The following TUSC3 variants were observed in gnomAD, a reference collection of about 807,000 sequenced individuals.
TUSC3 encodes the protein dolichyl-diphosphooligosaccharide--protein glycosyltransferase subunit TUSC3.
In TUSC3, 45 loss-of-function variants were observed where a neutral mutation model predicts 44.8. The ratio of observed to expected loss-of-function variants is 1.00; its 90% CI spans 0.79 to 1.29. TUSC3 has a LOEUF of 1.29. TUSC3 is among the 50% of genes most tolerant of loss of function. The probability of loss-of-function intolerance (pLI) is 0.00; values close to 1 mark genes in which losing one functional copy is unlikely to be tolerated. For missense variants in TUSC3, 519 were observed against 437.9 expected (o/e 1.19, Z -1.65); for synonymous variants, 212 against 152.9 (o/e 1.39, Z -2.85).
chr8:15,480,480 A>G (rs1256674883), intron 1 of TUSC3, among the ~76,000 whole-genome samples: 1 of 152,242 alleles, frequency 6.6e-6, no homozygotes, highest in Non-Finnish European at 1.5e-5. Flanking sequence ...GAAGTCCTAC[A>G]TCAAGTACAA....
intron 1 of TUSC3, among the ~76,000 whole-genome samples, chr8:15,615,875 T>A (rs889082903): frequency 1.3e-5 from 2 of 152,100 alleles, no homozygotes; most frequent in African/African-American, 4.8e-5. Context: ...GATATAAACA[T>A]GTAGTTAGAT....
chr8:15,828,154 C>G, the TUSC3 span, among the ~76,000 whole-genome samples: 1 of 152,206 alleles, frequency 6.6e-6, no homozygotes, highest in Admixed American at 6.5e-5. Context: ...ACCACCACAC[C>G]TGGCTAATTT....
At chr8:15,443,354 G>A (rs1253104020) in intron 1 of TUSC3, among the ~76,000 whole-genome samples, 1 of 150,842 alleles carries the variant, frequency 6.6e-6, no homozygotes, top group Middle Eastern at 3.4e-3. Flanking sequence ...GTGTGTGTGT[G>A]TGTGTGTGTG....
intron 1 of TUSC3, among the ~76,000 whole-genome samples, chr8:15,476,422 AT>A (rs1008722295): frequency 6.6e-6 from 1 of 152,124 alleles, no homozygotes; most frequent in Non-Finnish European, 1.5e-5. Flanking sequence ...AACTAATGTA[AT>A]TTTTTCTAAG....
At chr8:15,508,218 T>TG (rs1375242804) in intron 2 of TUSC3, among the ~76,000 whole-genome samples, 1 of 151,958 alleles carries the variant, frequency 6.6e-6, no homozygotes, top group Non-Finnish European at 1.5e-5. Context: ...CTGGCCTGGG[T>TG]GATAGGGTGG....
At chr8:15,814,629 T>C in the TUSC3 span, among the ~76,000 whole-genome samples, 5 of 152,202 alleles carry the variant, frequency 3.3e-5, no homozygotes, top group Admixed American at 1.3e-4. Flanking sequence ...CACACACAAA[T>C]ACCCGCATAA....
At chr8:15,720,133 A>T (rs1485316850) in intron 6 of TUSC3, among the ~76,000 whole-genome samples, 2 of 151,440 alleles carry the variant, frequency 1.3e-5, no homozygotes, top group Non-Finnish European at 2.9e-5. Flanking sequence ...GCCCAGGCTG[A>T]GTGCCAAAAA....
At chr8:15,590,413 A>G (rs1196264967) in intron 1 of TUSC3, among the ~76,000 whole-genome samples, 2 of 152,102 alleles carry the variant, frequency 1.3e-5, no homozygotes, top group East Asian at 3.9e-4. Flanking sequence ...ATGAGTGAAC[A>G]TTAGCTTTTG....
intron 1 of TUSC3, among the ~76,000 whole-genome samples, chr8:15,586,295 C>A (rs2129148721): frequency 6.6e-6 from 1 of 152,136 alleles, no homozygotes; most frequent in East Asian, 1.9e-4. Context: ...TTGTATAAGT[C>A]ATTAGTGGGG....
chr8:15,589,734 C>A (rs994641), intron 1 of TUSC3, among the ~76,000 whole-genome samples: 2 of 152,110 alleles, frequency 1.3e-5, no homozygotes, highest in East Asian at 3.9e-4. Context: ...TCATTTATAA[C>A]CATTATCATC....
At position 15,707,778 on chromosome 8, in the gene TUSC3, G is replaced by T. The variant is rs191584130; in HGVS notation, c.799-22888G>T. 3.2e-3 allele frequency among the ~76,000 whole-genome samples: 485 copies of T among 151,978 alleles called. 2 individuals are homozygous for T. Among genetic ancestry groups the T allele is most frequent in the African/African-American group, 0.011 (473 of 41,502 alleles). On this transcript the variant is annotated intron_variant, in intron 6 of 10. Transcript: ENST00000503731. The stretch of plus-strand genomic sequence containing the variant: ...CTGTCACAACAAAATGCCACAAACC[G>T]GGTAACTTTAAAACAACACAAATTT...
At position 15,468,281 on chromosome 8, in the gene TUSC3, G is replaced by A. The variant is rs574903024; in HGVS notation, n.92-15105G>A. On this transcript the variant is annotated intron_variant and non_coding_transcript_variant, in intron 1 of 5. Transcript: ENST00000503191. Reference sequence around the variant, plus strand: ...GCTTAATGTGAGAGGAAAAAATTGCGTTTTCTAAGAAATAGAAGCCCACTG... The same window carrying A: ...GCTTAATGTGAGAGGAAAAAATTGCATTTTCTAAGAAATAGAAGCCCACTG... Among the ~76,000 whole-genome samples the A allele has an allele frequency of 1.8e-4, 28 of 152,294 alleles. No individual in the cohort carries two copies. The South Asian group carries it at 2.1e-3, about 11-fold the overall frequency.
intron 1 of TUSC3, among the ~76,000 whole-genome samples, chr8:15,616,650 A>G (rs546285845): frequency 1.4e-4 from 22 of 152,324 alleles, no homozygotes; most frequent in Non-Finnish European, 3.1e-4. Context: ...TCAATTGGAA[A>G]TATTTTTCAT....
chr8:15,559,325 C>T (rs868696233), intron 1 of TUSC3, among the ~76,000 whole-genome samples: 1 of 145,362 alleles, frequency 6.9e-6, no homozygotes, highest in Admixed American at 6.9e-5. Context: ...GAGTGAGATT[C>T]TTAACCCTGA....
chr8:15,742,802 G>A (rs1002103319), intron 7 of TUSC3, among the ~76,000 whole-genome samples: 6 of 152,266 alleles, frequency 3.9e-5, no homozygotes, highest in South Asian at 4.1e-4. Context: ...CTTAAGAGTC[G>A]ACAATGTGAA....
At chr8:15,454,605 T>C (rs954115078) in intron 1 of TUSC3, among the ~76,000 whole-genome samples, 2 of 152,240 alleles carry the variant, frequency 1.3e-5, no homozygotes, top group Admixed American at 6.5e-5. Context: ...GGCTAGCTGC[T>C]GCTCATTTTC....
chr8:15,773,819 C>T, the TUSC3 span, among the ~76,000 whole-genome samples: 2 of 152,130 alleles, frequency 1.3e-5, no homozygotes, highest in Non-Finnish European at 2.9e-5. Flanking sequence ...AACAAGAGTG[C>T]CAAAACCATC....
At chr8:15,748,502 T>A in intron 9 of TUSC3, 37 bp downstream of exon 9, 1 of 1,460,690 alleles carries the variant, frequency 6.8e-7, no homozygotes, top group Non-Finnish European at 9.6e-7. Context: ...TTTTTATTTT[T>A]AACTAATAGA....
At chr8:15,540,230 C>T (rs1250125224), upstream of TUSC3, 2 of 738,654 alleles carry the variant, frequency 2.7e-6, no homozygotes, top group African/African-American at 3.7e-5. Flanking sequence ...CGCGCCTTTC[C>T]AGGTCTTCTC....
Sources: gnomAD v4.1 joint callset for allele counts (sites outside exome capture counted in the v4.1 genomes callset) on GRCh38, gnomAD v4.1.1 for gene constraint, MANE v1.5 for transcripts, NCBI Gene and HGNC (gene_info 2026-07-23, HGNC 2026-07-21) for gene names.